ADCY2: variants seen among roughly 807,000 people sequenced by gnomAD.
ADCY2 encodes the protein adenylate cyclase type 2.
Under a neutral mutation model 125.2 loss-of-function variants are expected in ADCY2, and 31 were observed. The ratio of observed to expected loss-of-function variants is 0.25; its 90% CI spans 0.19 to 0.33. The LOEUF (loss-of-function observed/expected upper bound fraction) is 0.33, where lower values mean the gene tolerates loss of function less well. ADCY2 is among the 10% of genes least tolerant of loss of function. ADCY2 has a pLI of 1.00. For synonymous variants in ADCY2, 512 were observed against 548.4 expected (o/e 0.93, Z 0.93); for missense variants, 904 against 1,418.2 (o/e 0.64, Z 5.82).
chr5:7,478,128 G>C (rs2126467811), intron 2 of ADCY2, among the ~76,000 whole-genome samples: 1 of 152,266 alleles, frequency 6.6e-6, no homozygotes, highest in East Asian at 1.9e-4. Flanking sequence ...CAGACTCAGG[G>C]CTTATTTATT....
intron 23 of ADCY2, 74 bp from the exon 24 acceptor site, chr5:7,820,491 C>A: frequency 6.5e-7 from 1 of 1,546,938 alleles, no homozygotes; most frequent in South Asian, 1.2e-5. Flanking sequence ...AAGACCCCAT[C>A]TCAAAAAATA....
chr5:7,610,555 C>T (rs1737544421), intron 3 of ADCY2, among the ~76,000 whole-genome samples: 1 of 151,916 alleles, frequency 6.6e-6, no homozygotes, highest in South Asian at 2.1e-4. Context: ...ATAGAAAGAG[C>T]TTAAGTAGAC....
At chr5:7,488,018 G>A (rs559315027) in intron 2 of ADCY2, among the ~76,000 whole-genome samples, 1 of 152,136 alleles carries the variant, frequency 6.6e-6, no homozygotes, top group African/African-American at 2.4e-5. Flanking sequence ...AAAACATTAT[G>A]ATATTAATCA....
rs148439559 is a variant in ADCY2, at chr5:7,695,022, T to C, written c.870-730T>C. ...CATCTTAAGGCATACATATTCACTT[T>C]GTGAATCTCAAACCATCTGCAGAAA... On this transcript the variant is annotated intron_variant, in intron 5 of 24. Transcript: ENST00000338316. Among the ~76,000 whole-genome samples the C allele has an allele frequency of 7.9e-5, 12 of 152,374 alleles. No homozygotes were observed. The East Asian group carries it at 2.3e-3, about 29-fold the overall frequency.
intron 4 of ADCY2, among the ~76,000 whole-genome samples, chr5:7,653,563 T>C (rs1412186294): frequency 6.6e-6 from 1 of 151,244 alleles, no homozygotes; most frequent in African/African-American, 2.4e-5. Flanking sequence ...AGTGAGATCG[T>C]GCCACTGCAC....
chr5:7,447,813 CG>C (rs1458113715), intron 2 of ADCY2, among the ~76,000 whole-genome samples: 1 of 152,110 alleles, frequency 6.6e-6, no homozygotes, highest in Non-Finnish European at 1.5e-5. Flanking sequence ...GTTGGTTTAA[CG>C]GGGAGGCTGG....
At chr5:7,771,336 G>A (rs1323760725) in intron 17 of ADCY2, among the ~76,000 whole-genome samples, 1 of 152,198 alleles carries the variant, frequency 6.6e-6, no homozygotes, top group African/African-American at 2.4e-5. Context: ...AGGCAGAAGA[G>A]TGGAGACTTG....
intron 2 of ADCY2, among the ~76,000 whole-genome samples, chr5:7,488,740 C>T (rs1054115816): frequency 2.0e-5 from 3 of 152,148 alleles, no homozygotes; most frequent in Non-Finnish European, 2.9e-5. Context: ...GCCCTTCCCA[C>T]GAGGCCAGTG....
At chr5:7,602,902 T>C (rs998504912) in intron 3 of ADCY2, among the ~76,000 whole-genome samples, 2 of 152,060 alleles carry the variant, frequency 1.3e-5, no homozygotes, top group South Asian at 2.1e-4. Flanking sequence ...ATTAAACAAA[T>C]GGGAATTTAT....
At chr5:7,694,830 T>C (rs981783061) in intron 5 of ADCY2, among the ~76,000 whole-genome samples, 2 of 152,162 alleles carry the variant, frequency 1.3e-5, no homozygotes, top group African/African-American at 4.8e-5. Context: ...TTTTGTTTAA[T>C]TTTTTTGAGG....
At position 7,709,371 on chromosome 5, in the gene ADCY2, G is replaced by A. The variant is rs750153799; in HGVS notation, c.1562G>A (p.Gly521Asp). ...AGGGACAGCATGACCACAGAGAACG[G>A]CAAGATCAGCACCACGGTATGCCCT... ...HHRDSMTTENGKISTTDVPMG... is the reference protein window; with the variant it reads ...HHRDSMTTENDKISTTDVPMG... Residue 521 changes from glycine to aspartate, a missense_variant, in exon 10 of 25, where the codon GGC becomes GAC. Gly to Asp is a moderately conservative substitution (Grantham distance 94). Transcript: ENST00000338316. This position sits in a 1 kb window ranked among gnomAD's most constrained non-coding sequence, Gnocchi z 4.4. 1.2e-6 allele frequency: 2 copies of A among 1,604,228 alleles called. No homozygotes were observed. Among genetic ancestry groups the A allele is most frequent in the Admixed American group, 3.4e-5 (2 of 58,420 alleles).
At chr5:7,666,320 G>C (rs550513797) in intron 4 of ADCY2, among the ~76,000 whole-genome samples, 3 of 151,956 alleles carry the variant, frequency 2.0e-5, no homozygotes, top group South Asian at 4.2e-4. Flanking sequence ...CCAGGCTGGA[G>C]TGCAGTGGCG....
intron 2 of ADCY2, among the ~76,000 whole-genome samples, chr5:7,468,110 A>G (rs977760532): frequency 6.6e-6 from 1 of 152,242 alleles, no homozygotes; most frequent in Non-Finnish European, 1.5e-5. Flanking sequence ...AAGAATTTTA[A>G]AAAATCAATC....
In ADCY2 at chr5:7,520,796, G is replaced by T. The variant is rs138436408; in HGVS notation, c.467G>T (p.Arg156Leu). 2 of 1,613,988 alleles carry T rather than the reference G, an allele frequency of 1.2e-6. No homozygotes were observed. Among genetic ancestry groups the T allele is most frequent in the East Asian group, 4.5e-5 (2 of 44,896 alleles). Residue 156 changes from arginine (R) to leucine (L), a missense_variant, in exon 3 of 25, where the codon CGA (arginine) becomes CTA (leucine). By Grantham distance (102) the Arg-to-Leu change is moderately radical. Transcript: ENST00000338316. ...TACACCATGCTGCCCTTCAACATGCGAGACGCCATCATTGCCAGCGTCCTC... is the reference window on the plus strand; with the variant it reads ...TACACCATGCTGCCCTTCAACATGCTAGACGCCATCATTGCCAGCGTCCTC... ...VVYTMLPFNM[R>L]DAIIASVLTS...
chr5:7,784,106 G>A (rs1417150029), intron 18 of ADCY2, among the ~76,000 whole-genome samples: 1 of 152,152 alleles, frequency 6.6e-6, no homozygotes, highest in Non-Finnish European at 1.5e-5. Context: ...TAATATTCTT[G>A]TATGTCTTCT....
intron 2 of ADCY2, among the ~76,000 whole-genome samples, chr5:7,517,636 G>T (rs140501719): frequency 1.1e-4 from 17 of 152,068 alleles, no homozygotes; most frequent in Non-Finnish European, 1.0e-4. Flanking sequence ...TGCAATTTGC[G>T]CAATTGACCC....
intron 24 of ADCY2, among the ~76,000 whole-genome samples, chr5:7,823,737 A>T (rs998956885): frequency 6.6e-6 from 1 of 152,212 alleles, no homozygotes; most frequent in Non-Finnish European, 1.5e-5. Flanking sequence ...GCTTTTAAGC[A>T]CTTGGGAGAA....
chr5:7,760,169 A>G, intron 16 of ADCY2, among the ~76,000 whole-genome samples: 1 of 152,260 alleles, frequency 6.6e-6, no homozygotes, highest in East Asian at 1.9e-4. Flanking sequence ...GGCAAGGGGC[A>G]TTGGCCTGAG....
chr5:7,786,666 C>G (rs1046377614), intron 19 of ADCY2, among the ~76,000 whole-genome samples: 1 of 152,156 alleles, frequency 6.6e-6, no homozygotes, highest in African/African-American at 2.4e-5. Flanking sequence ...TCAGGAGTCT[C>G]TTTTGAAAAA....
Sources: allele counts gnomAD v4.1 joint callset (sites outside exome capture counted in the v4.1 genomes callset), GRCh38; gene constraint gnomAD v4.1.1; non-coding constraint Gnocchi (gnomAD v3.1); transcripts MANE v1.5; gene names NCBI Gene and HGNC (gene_info 2026-07-23, HGNC 2026-07-21).